The following MSI2 variants were observed in gnomAD, a reference collection of about 807,000 sequenced individuals.
MSI2 encodes musashi RNA binding protein 2.
A neutral mutation model predicts 45.6 loss-of-function variants in MSI2; 17 were observed. The observed-to-expected ratio is 0.37, with a 90% CI of 0.26 to 0.56. The LOEUF (loss-of-function observed/expected upper bound fraction) is 0.56. Among genes scored for constraint, MSI2 ranks in the 20% least tolerant of loss-of-function variants. The probability of loss-of-function intolerance (pLI) is 0.77; values close to 1 mark genes in which losing one functional copy is unlikely to be tolerated. For missense variants in MSI2, 293 were observed against 444.2 expected (o/e 0.66, Z 3.06); for synonymous variants, 156 against 158.2 (o/e 0.99, Z 0.11).
chr17:57,330,537 C>G (rs1200946210), intron 5 of MSI2, among the ~76,000 whole-genome samples: 1 of 152,068 alleles, frequency 6.6e-6, no homozygotes, highest in Admixed American at 6.6e-5. Flanking sequence ...CCTCGGCCTC[C>G]CAAAGTGCTG....
chr17:57,653,621 TA>T (rs1911351114), intron 11 of MSI2, among the ~76,000 whole-genome samples: 2 of 152,170 alleles, frequency 1.3e-5, no homozygotes, highest in Non-Finnish European at 2.9e-5. Flanking sequence ...GGGGAAAAGA[TA>T]AAAGAAAACT....
At chr17:57,648,591 A>AC (rs775385820) in intron 10 of MSI2, among the ~76,000 whole-genome samples, 15 of 150,276 alleles carry the variant, frequency 1.0e-4, no homozygotes, top group Admixed American at 2.6e-4. Flanking sequence ...TTGAGGAGGG[A>AC]CCCCCCCACC....
intron 6 of MSI2, among the ~76,000 whole-genome samples, chr17:57,479,196 G>A (rs2085600564): frequency 6.6e-6 from 1 of 152,282 alleles, no homozygotes. Context: ...CAGCAATCAG[G>A]ATGAAGGACA....
At chr17:57,490,447 A>G (rs898505737) in intron 6 of MSI2, among the ~76,000 whole-genome samples, 1 of 152,186 alleles carries the variant, frequency 6.6e-6, no homozygotes, top group Non-Finnish European at 1.5e-5. Context: ...GACATTCTCT[A>G]ATCGGAGTTT....
intron 6 of MSI2, among the ~76,000 whole-genome samples, chr17:57,510,491 G>A (rs547280815): frequency 3.3e-5 from 5 of 151,780 alleles, no homozygotes; most frequent in Non-Finnish European, 2.9e-5. Flanking sequence ...GCAATGGCAC[G>A]ATCTCGGCTC....
rs976152169 is a variant in MSI2, at chr17:57,440,468, A to G, written c.405+38997A>G. 7.0e-4 allele frequency among the ~76,000 whole-genome samples: 29 copies of G among 41,532 alleles called. No individual in the cohort carries two copies. The East Asian group carries it at 0.012, about 17-fold the overall frequency. The allele number at this position is 41,532 out of a possible 152,430, so 27.2% of individuals were successfully genotyped here. ...TGTGTGTGTGTGTGTGTGTGTGTGT[A>G]GCGTGGCTGGGTCAGACTGGATTCC... On this transcript the variant is annotated intron_variant, in intron 6 of 13. Transcript: ENST00000284073.
chr17:57,663,021 G>T (rs1912101907), intron 11 of MSI2, among the ~76,000 whole-genome samples: 1 of 152,244 alleles, frequency 6.6e-6, no homozygotes, highest in Non-Finnish European at 1.5e-5. Context: ...TCTCTGGGAA[G>T]ACAGACGTCC....
chr17:57,507,783 A>ATTTG (rs1315976047), intron 6 of MSI2, among the ~76,000 whole-genome samples: 1 of 152,162 alleles, frequency 6.6e-6, no homozygotes, highest in Non-Finnish European at 1.5e-5. Context: ...GTATTTGTCT[A>ATTTG]TCAAACAACA....
intron 6 of MSI2, among the ~76,000 whole-genome samples, chr17:57,488,861 C>T (rs2085807965): frequency 6.6e-6 from 1 of 151,878 alleles, no homozygotes; most frequent in African/African-American, 2.4e-5. Flanking sequence ...TGCAAAGTGA[C>T]AGCACATTAG....
intron 7 of MSI2, among the ~76,000 whole-genome samples, chr17:57,573,019 C>G (rs2087919720): frequency 6.6e-6 from 1 of 152,154 alleles, no homozygotes; most frequent in Non-Finnish European, 1.5e-5. Context: ...GGCACAGTGA[C>G]CTGGGATGGA....
intron 10 of MSI2, chr17:57,631,863 G>T (rs776294139): frequency 2.3e-5 from 37 of 1,610,694 alleles, no homozygotes; most frequent in Non-Finnish European, 2.9e-5. Flanking sequence ...AGTGGGGGTT[G>T]CTACCATTTC....
Position 57,680,980 on chromosome 17 carries a change from AG to A in MSI2, c.*1465del, listed in dbSNP as rs1363905506. On this transcript the variant is annotated 3_prime_UTR_variant, in exon 14 of 14. Coordinates refer to ENST00000284073, the MANE Select transcript of MSI2 (RefSeq NM_138962.4). ...TCCATTCACTTTCTATTTACAAATT[AG>A]GAAAGCAACCTTTTGGTTTATATAT... The A allele has an allele frequency of 5.2e-6, 1 of 190,940 alleles. No individual in the cohort carries two copies. Among genetic ancestry groups the A allele is most frequent in the Admixed American group, 6.1e-5 (1 of 16,264 alleles). The allele number at this position is 190,940 out of a possible 1,614,324, so 11.8% of individuals were successfully genotyped here.
At chr17:57,651,070 A>G (rs1249084394) in intron 10 of MSI2, among the ~76,000 whole-genome samples, 2 of 152,064 alleles carry the variant, frequency 1.3e-5, no homozygotes, top group Non-Finnish European at 2.9e-5. Flanking sequence ...GTTTGTCTTT[A>G]TATGTATGGG....
chr17:57,441,037 C>T (rs1293528544), intron 6 of MSI2, among the ~76,000 whole-genome samples: 1 of 152,130 alleles, frequency 6.6e-6, no homozygotes. Context: ...GCTGCAGGGA[C>T]CTGGTCGTGC....
At chr17:57,302,591 G>A (rs1403132751) in intron 5 of MSI2, among the ~76,000 whole-genome samples, 1 of 152,212 alleles carries the variant, frequency 6.6e-6, no homozygotes, top group South Asian at 2.1e-4. Flanking sequence ...GCTTTGGTAG[G>A]ACATGTTCTC....
chr17:57,332,053 A>G lies in MSI2; in HGVS notation c.313-69326A>G, dbSNP rs190120950. On this transcript the variant is annotated intron_variant, in intron 5 of 13. Transcript: ENST00000284073. ...TTGGTCCTCTCCCAGGCACTGATGA[A>G]CCTTTCTCCTTTTGATGAAGAAAAG... Among the ~76,000 whole-genome samples, 166 of 151,916 alleles carry G rather than the reference A, an allele frequency of 1.1e-3. 1 individual carries two copies. Among genetic ancestry groups the G allele is most frequent in the African/African-American group, 3.9e-3 (163 of 41,426 alleles).
intron 6 of MSI2, among the ~76,000 whole-genome samples, chr17:57,402,580 C>G (rs1017968860): frequency 6.6e-6 from 1 of 152,208 alleles, no homozygotes; most frequent in Non-Finnish European, 1.5e-5. Flanking sequence ...TTGGTTTGCC[C>G]AGGGTGATAG....
chr17:57,289,519 C>T (rs1159845423), intron 5 of MSI2, among the ~76,000 whole-genome samples: 3 of 152,054 alleles, frequency 2.0e-5, no homozygotes, highest in Non-Finnish European at 2.9e-5. Flanking sequence ...AGGACTCTGC[C>T]GTCCTCTCTT....
intron 6 of MSI2, among the ~76,000 whole-genome samples, chr17:57,443,808 A>G (rs1413058045): frequency 6.6e-6 from 1 of 152,058 alleles, no homozygotes; most frequent in African/African-American, 2.4e-5. Context: ...CATTGTCCCT[A>G]CCTTAGGGGC....
Sources: allele counts gnomAD v4.1 joint callset (sites outside exome capture counted in the v4.1 genomes callset), GRCh38; gene constraint gnomAD v4.1.1; transcripts MANE v1.5; gene names NCBI Gene and HGNC (gene_info 2026-07-23, HGNC 2026-07-21).